Variants in ARNT2 observed in about 807,000 individuals in gnomAD.
The protein encoded by ARNT2 is ARNT protein 2.
A neutral mutation model predicts 91.7 loss-of-function variants in ARNT2; 36 were observed. The ratio of observed to expected loss-of-function variants is 0.39; its 90% CI spans 0.30 to 0.52. ARNT2 has a LOEUF of 0.52. Among genes scored for constraint, ARNT2 ranks in the 20% least tolerant of loss-of-function variants. The pLI, the probability that ARNT2 is intolerant of heterozygous loss-of-function variation, is 0.72. For synonymous variants in ARNT2, 365 were observed against 347.1 expected, an observed-to-expected ratio of 1.05 and a Z score of -0.57; for missense variants, 775 against 939.3, an observed-to-expected ratio of 0.83 and a Z score of 2.29.
chr15:80,458,820 C>T (rs1346848195), intron 3 of ARNT2, among the ~76,000 whole-genome samples: 1 of 152,154 alleles, frequency 6.6e-6, no homozygotes, highest in South Asian at 2.1e-4. Context: ...ACTAGCCAAG[C>T]CTCCAAGCCT....
chr15:80,506,848 G>A (rs1449101779), intron 5 of ARNT2, among the ~76,000 whole-genome samples: 2 of 152,184 alleles, frequency 1.3e-5, no homozygotes, highest in African/African-American at 4.8e-5. Context: ...CCCAAGGATA[G>A]GCTGGAGAAG....
chr15:80,431,097 T>C (rs946187961), intron 1 of ARNT2, among the ~76,000 whole-genome samples: 3 of 152,130 alleles, frequency 2.0e-5, no homozygotes, highest in Middle Eastern at 3.2e-3. Flanking sequence ...GGTACTTACA[T>C]GTACCCCTGA....
chr15:80,578,069 C>T (rs1354830816), intron 15 of ARNT2, among the ~76,000 whole-genome samples: 4 of 152,208 alleles, frequency 2.6e-5, no homozygotes, highest in Non-Finnish European at 2.9e-5. Context: ...ACGCACTGAC[C>T]GATCTCCGTT....
intron 1 of ARNT2, among the ~76,000 whole-genome samples, chr15:80,408,633 T>C (rs1175551271): frequency 6.6e-6 from 1 of 152,194 alleles, no homozygotes; most frequent in African/African-American, 2.4e-5. Context: ...TTGCAAGCTG[T>C]CCTGCCTTGA....
intron 1 of ARNT2, among the ~76,000 whole-genome samples, chr15:80,436,575 T>C (rs1263867983): frequency 6.6e-6 from 1 of 152,178 alleles, no homozygotes; most frequent in Non-Finnish European, 1.5e-5. Context: ...ATCCTCCAGA[T>C]GATTAACCAT....
intron 8 of ARNT2, among the ~76,000 whole-genome samples, chr15:80,515,945 C>G (rs1004056474): frequency 3.3e-5 from 5 of 150,556 alleles, no homozygotes; most frequent in Admixed American, 1.3e-4. Flanking sequence ...TCAGGGCTCA[C>G]TGCAACCTCC....
intron 1 of ARNT2, among the ~76,000 whole-genome samples, chr15:80,448,145 T>G (rs549743106): frequency 6.6e-6 from 1 of 152,280 alleles, no homozygotes; most frequent in African/African-American, 2.4e-5. Context: ...CCCTTCAAGG[T>G]ACATATTATG....
intron 17 of ARNT2, among the ~76,000 whole-genome samples, chr15:80,588,812 T>A (rs1351512926): frequency 6.6e-6 from 1 of 152,222 alleles, no homozygotes. Flanking sequence ...GTATCCCTCG[T>A]AAGCGTTTTT....
At chr15:80,552,032 C>G (rs767823287) in intron 9 of ARNT2, among the ~76,000 whole-genome samples, 4 of 152,186 alleles carry the variant, frequency 2.6e-5, no homozygotes, top group Non-Finnish European at 5.9e-5. Flanking sequence ...CTGGACTGTT[C>G]ATTCTCCCTA....
At chr15:80,430,844 A>G (rs1895997357) in intron 1 of ARNT2, among the ~76,000 whole-genome samples, 1 of 152,178 alleles carries the variant, frequency 6.6e-6, no homozygotes, top group Admixed American at 6.5e-5. Flanking sequence ...AGCAGTGGGC[A>G]CAGATATGCA....
At chr15:80,408,978 A>T (rs531853202) in intron 1 of ARNT2, among the ~76,000 whole-genome samples, 9 of 152,250 alleles carry the variant, frequency 5.9e-5, no homozygotes, top group African/African-American at 2.2e-4. Flanking sequence ...GATTCCTCAT[A>T]TATCCCCTGC....
intron 8 of ARNT2, among the ~76,000 whole-genome samples, chr15:80,534,495 AAACC>A (rs1036645960): frequency 3.3e-5 from 5 of 152,166 alleles, no homozygotes; most frequent in African/African-American, 1.2e-4. Context: ...CAACCCCTAA[AAACC>A]AATTGACAAT....
intron 1 of ARNT2, among the ~76,000 whole-genome samples, chr15:80,431,199 C>A (rs1391039435): frequency 6.6e-6 from 1 of 152,174 alleles, no homozygotes; most frequent in African/African-American, 2.4e-5. Flanking sequence ...GAGGCCACAG[C>A]CTTGGGCCTT....
intron 11 of ARNT2, among the ~76,000 whole-genome samples, chr15:80,562,696 A>G (rs1251871043): frequency 6.6e-6 from 1 of 152,202 alleles, no homozygotes; most frequent in African/African-American, 2.4e-5. Context: ...TACATACCTG[A>G]GTGAGATAAC....
chr15:80,546,659 T>C (rs866685927), intron 8 of ARNT2, among the ~76,000 whole-genome samples: 1 of 152,106 alleles, frequency 6.6e-6, no homozygotes, highest in African/African-American at 2.4e-5. Flanking sequence ...GTCTCATAAA[T>C]GTATGGTTAG....
intron 1 of ARNT2, among the ~76,000 whole-genome samples, chr15:80,435,712 T>G (rs1567178887): frequency 6.6e-6 from 1 of 152,182 alleles, no homozygotes; most frequent in African/African-American, 2.4e-5. Flanking sequence ...GAGACAGCTT[T>G]GAAATGGCCG....
chr15:80,450,395 C>T (rs180828740), intron 1 of ARNT2, among the ~76,000 whole-genome samples: 5 of 152,126 alleles, frequency 3.3e-5, no homozygotes, highest in African/African-American at 7.2e-5. Flanking sequence ...CCAGAGTAGG[C>T]GTGGCAACCA....
rs1898768484 is a variant in ARNT2, at chr15:80,580,332, G to T, written c.1614-79G>T. 7.7e-6 allele frequency: 12 copies of T among 1,553,028 alleles called. No homozygotes were observed. The South Asian group carries it at 1.4e-4, about 18-fold the overall frequency. On this transcript the variant is annotated intron_variant, in intron 15 of 18. Coordinates refer to ENST00000303329, the MANE Select transcript of ARNT2 (RefSeq NM_014862.4). The stretch of plus-strand genomic sequence containing the variant: ...AGAGCCAGGAAGATGGCCCAGGGCA[G>T]ATTGTGTGGTTGGCTGGGCACGTAG...
At chr15:80,563,768 C>T (rs1898416631) in intron 12 of ARNT2, among the ~76,000 whole-genome samples, 1 of 152,178 alleles carries the variant, frequency 6.6e-6, no homozygotes, top group Admixed American at 6.5e-5. Context: ...GTCCGAGGAT[C>T]CCAAGATCTC....
Sources: gnomAD v4.1 joint callset for allele counts (sites outside exome capture counted in the v4.1 genomes callset) on GRCh38, gnomAD v4.1.1 for gene constraint, MANE v1.5 for transcripts, NCBI Gene and HGNC (gene_info 2026-07-23, HGNC 2026-07-21) for gene names.